The following NPR1 variants were observed in gnomAD, a reference collection of about 807,000 sequenced individuals.
NPR1 encodes natriuretic peptide receptor 1.
NPR1 carries 57 observed loss-of-function variants against 116.9 expected under a neutral mutation model. The observed-to-expected ratio is 0.49, with a 90% CI of 0.39 to 0.61. The LOEUF (loss-of-function observed/expected upper bound fraction) is 0.61. NPR1 is among the 20% of genes least tolerant of loss of function. The pLI, the probability that NPR1 is intolerant of heterozygous loss-of-function variation, is 0.00. For missense variants in NPR1, 1,096 were observed against 1,409.8 expected (o/e 0.78, Z 3.56); for synonymous variants, 555 against 601.6 (o/e 0.92, Z 1.13).
rs774440887 is a variant in NPR1, at chr1:153,679,173, C to CGCTGCT, written c.75_80dup (p.Leu26_Leu27dup). The CGCTGCT allele has an allele frequency of 6.7e-7, 1 of 1,502,424 alleles. No homozygotes were observed. Among genetic ancestry groups the CGCTGCT allele is most frequent in the African/African-American group, 1.5e-5 (1 of 68,704 alleles). The allele number at this position is 1,502,424 out of a possible 1,614,324, so 93.1% of individuals were successfully genotyped here. On this transcript the variant is annotated inframe_insertion, in exon 1 of 22. Coordinates refer to ENST00000368680, the MANE Select transcript of NPR1 (RefSeq NM_000906.4). The surrounding 1 kb of genome is among the most constrained non-coding windows in gnomAD (Gnocchi z 4.2). ...CTGCTCCTGCTCCTGCTGCTGCCGC[C>CGCTGCT]GCTGCTGCTGCTGCTCCGGGGCAGC...
At chr1:153,681,425 G>T in intron 3 of NPR1, 132 bp downstream of exon 3, 1 of 668,100 alleles carries the variant, frequency 1.5e-6, no homozygotes, top group East Asian at 2.7e-5. Flanking sequence ...CATGTTTCTC[G>T]TGATGATGGA....
In NPR1 at chr1:153,689,062, C is replaced by T. The variant is rs992351976; in HGVS notation, c.2527C>T (p.Arg843Cys). The change falls in exon 16 of 22, where the codon CGC (arginine) becomes TGC (cysteine). Residue 843 changes from arginine to cysteine, a missense_variant. Coordinates refer to ENST00000368680, the MANE Select transcript of NPR1 (RefSeq NM_000906.4). This position sits in a 1 kb window ranked among gnomAD's most constrained non-coding sequence, Gnocchi z 5.1. ...GACCCAGGCATACCTGGAGGAGAAGCGCAAGGCTGAGGCCCTGCTCTACCA... is the reference window on the plus strand; with the variant it reads ...GACCCAGGCATACCTGGAGGAGAAGTGCAAGGCTGAGGCCCTGCTCTACCA... The part of the protein sequence containing the change: ...ERTQAYLEEK[R>C]KAEALLYQIL... The T allele has an allele frequency of 2.2e-5, 36 of 1,614,080 alleles. No individual in the cohort carries two copies. The East Asian group carries it at 2.9e-4, about 13-fold the overall frequency.
chr1:153,683,675 G>C (rs1669847130), intron 6 of NPR1, 65 bp from the exon 7 acceptor site: 11 of 1,569,456 alleles, frequency 7.0e-6, no homozygotes, highest in Non-Finnish European at 8.8e-6. Flanking sequence ...TGGACTATTA[G>C]AAAGTTCTTC....
Position 153,681,842 on chromosome 1 carries a change from C to A in NPR1, c.1171+3C>A. On this transcript the variant is annotated splice_donor_region_variant and intron_variant, in intron 4 of 21. Coordinates refer to ENST00000368680, the MANE Select transcript of NPR1 (RefSeq NM_000906.4). Reference sequence around the variant, plus strand: ...GATGTGGAACCGAAGCTTTCAAGGTCAGGGCCTGGAGGTGGCTGGAATGGG... The same window carrying A: ...GATGTGGAACCGAAGCTTTCAAGGTAAGGGCCTGGAGGTGGCTGGAATGGG... The A allele has an allele frequency of 6.2e-7, 1 of 1,613,522 alleles. No homozygotes were observed. Among genetic ancestry groups the A allele is most frequent in the South Asian group, 1.1e-5 (1 of 91,014 alleles).
At position 153,689,337 on chromosome 1, in the gene NPR1, C is replaced by T; in HGVS notation, c.2688+26C>T. On this transcript the variant is annotated intron_variant, in intron 17 of 21. Transcript: ENST00000368680. This position sits in a 1 kb window ranked among gnomAD's most constrained non-coding sequence, Gnocchi z 5.1. Reference sequence around the variant, plus strand: ...GTAGGCCAGGGTTCAGCCACAGGTGCCAGGCAAGCTCAGCATCTGGATCCC... The same window carrying T: ...GTAGGCCAGGGTTCAGCCACAGGTGTCAGGCAAGCTCAGCATCTGGATCCC... 1 of 1,614,138 alleles carries T rather than the reference C, an allele frequency of 6.2e-7. No homozygotes were observed. Among genetic ancestry groups the T allele is most frequent in the Non-Finnish European group, 8.5e-7 (1 of 1,180,014 alleles).
Position 153,681,283 on chromosome 1 carries a change from A to T in NPR1, c.1025A>T (p.Glu342Val). 1 of 1,605,088 alleles carries T rather than the reference A, an allele frequency of 6.2e-7. No homozygotes were observed. Among genetic ancestry groups the T allele is most frequent in the Non-Finnish European group, 8.5e-7 (1 of 1,171,986 alleles). The change falls in exon 3 of 22, where the codon GAG becomes GTG. Residue 342 changes from glutamate to valine, a missense_variant. Transcript: ENST00000368680. Reference sequence around the variant, plus strand: ...TATGAGCAGTTCAACTTCACCATGGAGGATGGCCTGGTAAGAAGGGGTCCC... The same window carrying T: ...TATGAGCAGTTCAACTTCACCATGGTGGATGGCCTGGTAAGAAGGGGTCCC... Reference protein sequence around the residue: ...LAYEQFNFTMEDGLVNTIPAS... With the variant: ...LAYEQFNFTMVDGLVNTIPAS...
At chr1:153,690,129 TC>T in intron 19 of NPR1, 149 bp downstream of exon 19, 1 of 602,536 alleles carries the variant, frequency 1.7e-6, no homozygotes, top group South Asian at 2.1e-5. Context: ...TCTCTCTCTC[TC>T]TCTCTCTCTC....
chr1:153,680,893 G>A, intron 2 of NPR1, 193 bp downstream of exon 2: 1 of 627,370 alleles, frequency 1.6e-6, no homozygotes, highest in Non-Finnish European at 2.7e-6. Context: ...TGAAGGGCAG[G>A]GGACTGCCCA....
At position 153,687,781 on chromosome 1, in the gene NPR1, G is replaced by A; in HGVS notation, c.2240G>A (p.Ser747Asn). ...GVFHVEGLDL[S>N]PKEIIERVTR... ...TTCCACGTGGAAGGTTTGGACCTGAGCCCCAAAGGTGAGAGGAGCACACCT... is the reference window on the plus strand; with the variant it reads ...TTCCACGTGGAAGGTTTGGACCTGAACCCCAAAGGTGAGAGGAGCACACCT... The change falls in exon 14 of 22, where the codon AGC becomes AAC. Residue 747 changes from serine to asparagine, a missense_variant. Transcript: ENST00000368680. 6.3e-7 allele frequency: 1 copy of A among 1,585,760 alleles called. No homozygotes were observed. The highest frequency in any genetic ancestry group is 8.6e-7 in the Non-Finnish European group (1 of 1,160,182).
chr1:153,681,118 C>A (rs932886932), intron 2 of NPR1, 62 bp from the exon 3 acceptor site: 3 of 1,042,116 alleles, frequency 2.9e-6, no homozygotes, highest in African/African-American at 1.6e-5. Context: ...ACTGTTGGGG[C>A]CCCACAGTAC....
chr1:153,691,309 C>A (rs1439898411), intron 20 of NPR1, among the ~76,000 whole-genome samples: 1 of 152,202 alleles, frequency 6.6e-6, no homozygotes, highest in African/African-American at 2.4e-5. Flanking sequence ...CTTGCTCTTG[C>A]CTCCTGTTTA....
At chr1:153,685,733 A>G (rs1191620523) in intron 8 of NPR1, 73 bp from the exon 9 acceptor site, 1 of 1,160,052 alleles carries the variant, frequency 8.6e-7, no homozygotes, top group African/African-American at 1.5e-5. Flanking sequence ...GGAAATAAAG[A>G]CCAGAGCACA....
intron 14 of NPR1, 59 bp from the exon 15 acceptor site, chr1:153,687,994 G>T: frequency 4.7e-6 from 6 of 1,282,366 alleles, no homozygotes; most frequent in Middle Eastern, 2.7e-4. Flanking sequence ...GGTTGCCCCA[G>T]TCTCTCACTA....
intron 20 of NPR1, among the ~76,000 whole-genome samples, chr1:153,691,113 A>G (rs1344075964): frequency 6.6e-6 from 1 of 152,112 alleles, no homozygotes; most frequent in Non-Finnish European, 1.5e-5. Flanking sequence ...AAAAAGAGGG[A>G]AAAAATCTAT....
intron 5 of NPR1, 123 bp from the exon 6 acceptor site, chr1:153,683,253 C>A (rs1301979904): frequency 3.4e-6 from 4 of 1,165,740 alleles, no homozygotes; most frequent in Non-Finnish European, 3.6e-6. Context: ...AAGCAGGTGA[C>A]AACCCAGATA....
At position 153,689,467 on chromosome 1, in the gene NPR1, C is replaced by T. The variant is rs55695442; in HGVS notation, c.2703C>T (p.Leu901=). 1.9e-6 allele frequency: 3 copies of T among 1,614,014 alleles called. No homozygotes were observed. Among genetic ancestry groups the T allele is most frequent in the Non-Finnish European group, 2.5e-6 (3 of 1,180,026 alleles). ...TTCCCTTCCAGGTGGTGACCCTGCT[C>T]AATGACCTGTACACTTGCTTTGATG... is the stretch of plus-strand genomic sequence containing the variant. The part of the protein sequence containing the change: ...ESTPMQVVTL[L]NDLYTCFDAV... The change falls in exon 18 of 22, where the codon CTC becomes CTT. Residue 901 remains leucine (L), a synonymous_variant. Coordinates refer to ENST00000368680, the MANE Select transcript of NPR1 (RefSeq NM_000906.4). This position sits in a 1 kb window ranked among gnomAD's most constrained non-coding sequence, Gnocchi z 5.1.
rs11295572 is a variant in NPR1, at chr1:153,688,038, AC to A, written c.2249-8del. On this transcript the variant is annotated splice_polypyrimidine_tract_variant and intron_variant, in intron 14 of 21. Coordinates refer to ENST00000368680, the MANE Select transcript of NPR1 (RefSeq NM_000906.4). ...GCCAGCCCCACCCCTCAGCTCCTCT[AC>A]CCCCCCAATACAGAGATCATCGAGC... is the stretch of plus-strand genomic sequence containing the variant. 728,920 of 1,577,726 alleles carry A rather than the reference AC, an allele frequency of 0.46. 173,013 individuals are homozygous for A. Among genetic ancestry groups the A allele is most frequent in the East Asian group, 0.69 (30,522 of 44,386 alleles).
intron 11 of NPR1, 64 bp downstream of exon 11, chr1:153,686,814 A>G (rs1020735464): frequency 1.4e-6 from 2 of 1,464,772 alleles, no homozygotes; most frequent in Non-Finnish European, 1.9e-6. Flanking sequence ...CTGACTGGCC[A>G]TAAGACCCCA....
At chr1:153,684,092 G>A (rs1378861412) in intron 7 of NPR1, among the ~76,000 whole-genome samples, 1 of 152,134 alleles carries the variant, frequency 6.6e-6, no homozygotes, top group East Asian at 1.9e-4. Context: ...ACATCATAGG[G>A]GCGTGGACTG....
Sources: gnomAD v4.1 joint callset for allele counts (sites outside exome capture counted in the v4.1 genomes callset) on GRCh38, gnomAD v4.1.1 for gene constraint, Gnocchi (gnomAD v3.1) non-coding constraint, MANE v1.5 for transcripts, NCBI Gene and HGNC (gene_info 2026-07-23, HGNC 2026-07-21) for gene names.